The following KIAA1614 variants were observed in gnomAD, a reference collection of about 807,000 sequenced individuals.
KIAA1614 encodes uncharacterized protein KIAA1614.
A neutral mutation model predicts 88.7 loss-of-function variants in KIAA1614; 76 were observed. That is an observed-to-expected ratio of 0.86 (90% confidence interval 0.71 to 1.04). The LOEUF is 1.04. Among genes scored for constraint, KIAA1614 ranks in the 50% least tolerant of loss-of-function variants. The probability of loss-of-function intolerance (pLI) is 0.00; values close to 1 mark genes in which losing one functional copy is unlikely to be tolerated. For missense variants in KIAA1614, 1,553 were observed against 1,582.5 expected (o/e 0.98, Z 0.32); for synonymous variants, 714 against 675.5 (o/e 1.06, Z -0.88).
At chr1:180,941,573 T>C (rs1654465871) in intron 7 of KIAA1614, among the ~76,000 whole-genome samples, 1 of 151,876 alleles carries the variant, frequency 6.6e-6, no homozygotes, top group Non-Finnish European at 1.5e-5. Flanking sequence ...TCTCGGAGAG[T>C]TGACAGCCTG....
Position 180,916,830 on chromosome 1 carries a change from C to A in KIAA1614, c.727C>A (p.Pro243Thr). The A allele has an allele frequency of 1.2e-6, 2 of 1,614,224 alleles. No individual in the cohort carries two copies. The highest frequency in any genetic ancestry group is 1.7e-6 in the Non-Finnish European group (2 of 1,180,042). The change falls in exon 2 of 9, where the codon CCT becomes ACT. Residue 243 changes from proline to threonine, a missense_variant. By Grantham distance (38) the Pro-to-Thr change is conservative (BLOSUM62 -1). Transcript: ENST00000367588. ...IPSPRTGRSY[P>T]FPDGVVTEAD... ...CAGCCCAAGGACAGGAAGGTCCTAC[C>A]CTTTTCCAGATGGCGTGGTGACAGA...
chr1:180,918,068 G>A (rs1316889151), intron 3 of KIAA1614, among the ~76,000 whole-genome samples, 154 bp downstream of exon 3: 2 of 152,158 alleles, frequency 1.3e-5, no homozygotes, highest in African/African-American at 4.8e-5. Flanking sequence ...CTGAGACCCT[G>A]CAGAAATTGC....
chr1:180,942,981 G>A (rs1473112352), intron 7 of KIAA1614, among the ~76,000 whole-genome samples: 4 of 151,878 alleles, frequency 2.6e-5, no homozygotes, highest in Non-Finnish European at 5.9e-5. Flanking sequence ...TGCTGTTGGT[G>A]TGTGGTGCTG....
At chr1:180,933,217 C>A (rs1235603655) in intron 4 of KIAA1614, among the ~76,000 whole-genome samples, 1 of 152,106 alleles carries the variant, frequency 6.6e-6, no homozygotes, top group Non-Finnish European at 1.5e-5. Flanking sequence ...GAAGAAAGAT[C>A]CAGGAAATGA....
Position 180,936,046 on chromosome 1 carries a change from G to A in KIAA1614, c.2137G>A (p.Glu713Lys). ...LREDAKPPDL[E>K]LKRVSLGPQW... ...AGAAGATGCCAAGCCTCCTGACCTGGAGTTGAAGCGGGTGTCCCTGGGACC... is the reference window on the plus strand; with the variant it reads ...AGAAGATGCCAAGCCTCCTGACCTGAAGTTGAAGCGGGTGTCCCTGGGACC... Residue 713 changes from glutamate (E) to lysine (K), a missense_variant, in exon 5 of 9, where the codon GAG (glutamate) becomes AAG (lysine). Transcript: ENST00000367588. The A allele has an allele frequency of 1.9e-6, 3 of 1,614,128 alleles. No individual in the cohort carries two copies. The highest frequency in any genetic ancestry group is 2.5e-6 in the Non-Finnish European group (3 of 1,179,996).
intron 1 of KIAA1614, among the ~76,000 whole-genome samples, chr1:180,915,245 G>T (rs186395524): frequency 1.3e-5 from 2 of 152,344 alleles, no homozygotes; most frequent in East Asian, 1.9e-4. Flanking sequence ...CCATGCTGTG[G>T]TCCTGTGGCT....
chr1:180,944,185 T>C (rs1654531540), intron 7 of KIAA1614: 1 of 417,796 alleles, frequency 2.4e-6, no homozygotes, highest in African/African-American at 2.0e-5. Context: ...AAACAAAAAC[T>C]CCCTTGACTC....
At position 180,932,461 on chromosome 1, in the gene KIAA1614, CA is replaced by C. The variant is rs1455234526; in HGVS notation, c.1206-2650del. Among the ~76,000 whole-genome samples the C allele has an allele frequency of 3.3e-5, 5 of 152,240 alleles. No homozygotes were observed. In the South Asian group the frequency reaches 1.0e-3, roughly 32 times the overall value. On this transcript the variant is annotated intron_variant, in intron 4 of 8. Coordinates refer to ENST00000367588, the MANE Select transcript of KIAA1614 (RefSeq NM_020950.2). ...CTACATTAAAATCTTTTCTTTGACC[CA>C]AAAGTTTATTTTCTTCTGATTTTAA... is the stretch of plus-strand genomic sequence containing the variant.
At chr1:180,915,297 C>T (rs554129885) in intron 1 of KIAA1614, among the ~76,000 whole-genome samples, 6 of 152,342 alleles carry the variant, frequency 3.9e-5, no homozygotes, top group Non-Finnish European at 7.3e-5. Flanking sequence ...GCAGCACCTT[C>T]TACTGGAGGT....
chr1:180,927,239 C>CTG (rs1192005171), intron 3 of KIAA1614, among the ~76,000 whole-genome samples: 2 of 152,124 alleles, frequency 1.3e-5, no homozygotes, highest in Admixed American at 1.3e-4. Flanking sequence ...TGCTGGAGCC[C>CTG]TGTGGACCCT....
In KIAA1614 at chr1:180,936,514, G is replaced by T. The variant is rs963917190; in HGVS notation, c.2605G>T (p.Val869Phe). Residue 869 changes from valine to phenylalanine, a missense_variant, in exon 5 of 9, where the codon GTC becomes TTC. Physicochemically the swap from Val to Phe is conservative, Grantham distance 50. Transcript: ENST00000367588. ...ACAGACCCAGCCCAGCCGCCCTCAG[G>T]TCAGGCACCCACTGCTGGCCCTGTC... ...PSQTQPSRPQVRHPLLALSTN... is the reference protein window; with the variant it reads ...PSQTQPSRPQFRHPLLALSTN... The T allele has an allele frequency of 3.7e-6, 6 of 1,614,092 alleles. No individual in the cohort carries two copies. In the Admixed American group the frequency reaches 8.3e-5, roughly 22 times the overall value.
In KIAA1614 at chr1:180,936,683, C is replaced by T. The variant is rs778610512; in HGVS notation, c.2761+13C>T. ...AACAGCAGAGATGGTAAGGGGCTGC[C>T]GCTGGTTCCTGCCCAGCCCAGGCCT... On this transcript the variant is annotated intron_variant, in intron 5 of 8. Transcript: ENST00000367588. The T allele has an allele frequency of 6.5e-5, 96 of 1,466,526 alleles. No homozygotes were observed. Among genetic ancestry groups the T allele is most frequent in the South Asian group, 1.8e-4 (13 of 72,918 alleles). 90.8% of individuals were successfully genotyped at this position (1,466,526 alleles called of 1,614,324 possible).
At position 180,950,541 on chromosome 1, in the gene KIAA1614, G is replaced by C. The variant is rs1044670428; in HGVS notation, c.*4953G>C. The stretch of plus-strand genomic sequence containing the variant: ...AGACCTGTCCCACGGTGACCCAGAA[G>C]TGCCGCTGCCCTCACTGTCACGGCC... On this transcript the variant is annotated 3_prime_UTR_variant, in exon 9 of 9. Transcript: ENST00000367588. The C allele has an allele frequency of 9.2e-7, 1 of 1,092,460 alleles. No homozygotes were observed. Among genetic ancestry groups the C allele is most frequent in the Admixed American group, 5.1e-5 (1 of 19,666 alleles). The allele number at this position is 1,092,460 out of a possible 1,614,324, so 67.7% of individuals were successfully genotyped here. A position where few individuals can be genotyped will look rare whatever the true frequency, so the allele number is the denominator to read the frequency against.
Position 180,917,857 on chromosome 1 carries a change from C to G in KIAA1614, c.1004C>G (p.Pro335Arg), listed in dbSNP as rs753696911. ...CTTCTGTTCTGGATCCTAGAGCGAC[C>G]AGTGGGGGATGTGGACTGGGCCTCG... ...PSWDTAAPER[P>R]VGDVDWASGT... Residue 335 changes from proline to arginine, a missense_variant, in exon 3 of 9, where the codon CCA (proline) becomes CGA (arginine). Pro to Arg is a moderately radical substitution (Grantham distance 103). Transcript: ENST00000367588. 1 of 1,613,900 alleles carries G rather than the reference C, an allele frequency of 6.2e-7. No individual in the cohort carries two copies.
At chr1:180,915,295 T>C (rs1653753308) in intron 1 of KIAA1614, among the ~76,000 whole-genome samples, 1 of 152,218 alleles carries the variant, frequency 6.6e-6, no homozygotes, top group Non-Finnish European at 1.5e-5. Context: ...ATGCAGCACC[T>C]TCTACTGGAG....
In KIAA1614 at chr1:180,916,329, C is replaced by T. The variant is rs754805999; in HGVS notation, c.226C>T (p.Gln76Ter). Residue 76 changes from glutamine (Q) to a stop codon, truncating the protein, a stop_gained, in exon 2 of 9, where the codon CAG becomes TAG. Transcript: ENST00000367588. LOFTEE classifies it high-confidence loss of function. ...CCAGCCTCCCAGGGTATGGGGAGTA[C>T]AGCTCCAGGGCCCCTCTGTGCTGGA... Reference protein sequence around the residue: ...APQPPRVWGVQLQGPSVLESK... With the variant: ...APQPPRVWGV 18 of 1,614,106 alleles carry T rather than the reference C, an allele frequency of 1.1e-5. No homozygotes were observed. Among genetic ancestry groups the T allele is most frequent in the Non-Finnish European group, 1.5e-5 (18 of 1,180,008 alleles).
intron 5 of KIAA1614, among the ~76,000 whole-genome samples, chr1:180,938,151 G>A (rs181438440): frequency 6.6e-6 from 1 of 152,230 alleles, no homozygotes; most frequent in Non-Finnish European, 1.5e-5. Context: ...AAGATTGTGG[G>A]TTTTGTCCCA....
intron 7 of KIAA1614, chr1:180,944,149 A>C: frequency 3.0e-6 from 1 of 330,746 alleles, no homozygotes; most frequent in Non-Finnish European, 5.7e-6. Flanking sequence ...GTATAGCACT[A>C]AAGTTGTTAT....
chr1:180,918,242 G>A lies in KIAA1614; in HGVS notation c.1061+328G>A, dbSNP rs552928002. Reference sequence around the variant, plus strand: ...AAAGTTGGGGAAATAGCATCTGTCTGGTTCACTTCACAGGACCATTGTGAG... The same window carrying A: ...AAAGTTGGGGAAATAGCATCTGTCTAGTTCACTTCACAGGACCATTGTGAG... On this transcript the variant is annotated intron_variant, in intron 3 of 8. Transcript: ENST00000367588. Among the ~76,000 whole-genome samples, 17 of 152,270 alleles carry A rather than the reference G, an allele frequency of 1.1e-4. No homozygotes were observed. The East Asian group carries it at 2.9e-3, about 26-fold the overall frequency.
Sources: gnomAD v4.1 joint callset for allele counts (sites outside exome capture counted in the v4.1 genomes callset) on GRCh38, gnomAD v4.1.1 for gene constraint, MANE v1.5 for transcripts, NCBI Gene and HGNC (gene_info 2026-07-23, HGNC 2026-07-21) for gene names.